Variants in CTF1 observed in about 807,000 individuals in gnomAD.
CTF1 encodes cardiotrophin-1.
Under a neutral mutation model 10.9 loss-of-function variants are expected in CTF1, and 9 were observed. The observed-to-expected ratio is 0.83, with a 90% confidence interval of 0.50 to 1.44. The LOEUF is 1.44. Ranked by LOEUF, CTF1 falls within the 40% of genes most tolerant of loss-of-function variation. CTF1 has a pLI of 0.00. For missense variants in CTF1, 259 were observed against 275.3 expected, an observed-to-expected ratio of 0.94 and a Z score of 0.42; for synonymous variants, 133 against 138.8, an observed-to-expected ratio of 0.96 and a Z score of 0.29.
At position 30,903,182 on chromosome 16, in the gene CTF1, A is replaced by T. The variant is rs539240936; in HGVS notation, c.*643A>T. The T allele has an allele frequency of 6.6e-6, 1 of 152,582 alleles. No individual in the cohort carries two copies. Among genetic ancestry groups the T allele is most frequent in the African/African-American group, 2.4e-5 (1 of 41,366 alleles). The allele number at this position is 152,582 out of a possible 1,614,324, so 9.5% of individuals were successfully genotyped here. On this transcript the variant is annotated 3_prime_UTR_variant, in exon 3 of 3. Coordinates refer to ENST00000279804, the MANE Select transcript of CTF1 (RefSeq NM_001330.5). The stretch of plus-strand genomic sequence containing the variant: ...CCTTCTCGTGGCCCTGTGTGAGCAC[A>T]TGTGTACATCTCAGCCTTATCTCAA...
At position 30,902,544 on chromosome 16, in the gene CTF1, C is replaced by A. The variant is rs397516644; in HGVS notation, c.*5C>A. On this transcript the variant is annotated 3_prime_UTR_variant, in exon 3 of 3. Transcript: ENST00000279804. ...CTGCCCGGGGGCTCGGCCTGAGCGC[C>A]GCGGGGCAGCTCGCCCCGCCTCCTC... The A allele has an allele frequency of 1.2e-4, 186 of 1,499,584 alleles. No homozygotes were observed. The highest frequency in any genetic ancestry group is 1.3e-4 in the Non-Finnish European group (150 of 1,129,132). The allele number at this position is 1,499,584 out of a possible 1,614,324, so 92.9% of individuals were successfully genotyped here.
intron 1 of CTF1, 36 bp from the exon 2 acceptor site, chr16:30,899,379 G>A: frequency 1.6e-6 from 2 of 1,285,438 alleles, no homozygotes; most frequent in East Asian, 2.3e-5. Context: ...TGAGCAGGAG[G>A]TTGGCCATCC....
chr16:30,900,000 G>A (rs993404630), intron 2 of CTF1, among the ~76,000 whole-genome samples: 1 of 152,172 alleles, frequency 6.6e-6, no homozygotes, highest in Non-Finnish European at 1.5e-5. Context: ...TGACCTTGGT[G>A]CTTTAAGTCA....
At chr16:30,901,462 G>C (rs995698651) in intron 2 of CTF1, among the ~76,000 whole-genome samples, 2 of 152,170 alleles carry the variant, frequency 1.3e-5, no homozygotes. Flanking sequence ...GGTCTGTAAG[G>C]TAACTTTAAT....
At chr16:30,899,279 A>G in intron 1 of CTF1, 136 bp from the exon 2 acceptor site, 3 of 777,696 alleles carry the variant, frequency 3.9e-6, no homozygotes, top group Admixed American at 1.7e-5. Flanking sequence ...CCTGCTTGAC[A>G]AAGTTCTGGT....
At chr16:30,899,282 G>A (rs2055380709) in intron 1 of CTF1, 133 bp from the exon 2 acceptor site, 1 of 780,116 alleles carries the variant, frequency 1.3e-6, no homozygotes, top group Non-Finnish European at 2.4e-6. Flanking sequence ...GCTTGACAAA[G>A]TTCTGGTGCC....
rs1467014161 is a variant in CTF1 at position 30,896,630 on chromosome 16, A to AGCCAGGG, written c.-8_-2dup. On this transcript the variant is annotated 5_prime_UTR_variant, in exon 1 of 3. Transcript: ENST00000279804. ...GGGGGGCGTGAAGGGAGCCGGGATC[A>AGCCAGGG]GCCAGGGGCCAGCATGAGCCGGAGG... The AGCCAGGG allele has an allele frequency of 1.6e-6, 2 of 1,252,926 alleles. No individual in the cohort carries two copies. Among genetic ancestry groups the AGCCAGGG allele is most frequent in the Non-Finnish European group, 2.0e-6 (2 of 990,226 alleles). The allele number at this position is 1,252,926 out of a possible 1,614,324, so 77.6% of individuals were successfully genotyped here.
chr16:30,902,033 C>A, intron 2 of CTF1, 45 bp from the exon 3 acceptor site: 1 of 1,411,946 alleles, frequency 7.1e-7, no homozygotes, highest in South Asian at 1.4e-5. Context: ...CAGCCCCCTG[C>A]CCGTGCTCCG....
At position 30,896,752 on chromosome 16, in the gene CTF1, C is replaced by G. The variant is rs938253451; in HGVS notation, c.25+84C>G. On this transcript the variant is annotated intron_variant, in intron 1 of 2. Coordinates refer to ENST00000279804, the MANE Select transcript of CTF1 (RefSeq NM_001330.5). Reference sequence around the variant, plus strand: ...GGGAGCTGGGGGTCTGGGTTTCCGCCACCCCCGGGTCCGGGAGGGGAGCGG... The same window carrying G: ...GGGAGCTGGGGGTCTGGGTTTCCGCGACCCCCGGGTCCGGGAGGGGAGCGG... The G allele has an allele frequency of 3.4e-6, 4 of 1,192,798 alleles. No homozygotes were observed. The African/African-American group carries it at 6.3e-5, about 19-fold the overall frequency. The allele number at this position is 1,192,798 out of a possible 1,614,324, so 73.9% of individuals were successfully genotyped here. A position where few individuals can be genotyped will look rare whatever the true frequency, so the allele number is the denominator to read the frequency against.
In CTF1 at chr16:30,899,390, T is replaced by C. The variant is rs756190446; in HGVS notation, c.26-25T>C. On this transcript the variant is annotated intron_variant, in intron 1 of 2. Transcript: ENST00000279804. The stretch of plus-strand genomic sequence containing the variant: ...TCAATGAGCAGGAGGTTGGCCATCC[T>C]CATTCCTCCCCCCTTTCCCACCAGA... 2.0e-6 allele frequency: 3 copies of C among 1,471,906 alleles called. No individual in the cohort carries two copies. In the South Asian group the frequency reaches 3.4e-5, roughly 17 times the overall value. 91.2% of individuals were successfully genotyped at this position (1,471,906 alleles called of 1,614,324 possible).
intron 2 of CTF1, 35 bp downstream of exon 2, chr16:30,899,568 TG>T: frequency 9.5e-6 from 5 of 528,918 alleles, no homozygotes; most frequent in Non-Finnish European, 1.7e-5. Flanking sequence ...GCCGGGGGCC[TG>T]GGGAATGGGA....
At chr16:30,900,365 C>T (rs2055390667) in intron 2 of CTF1, among the ~76,000 whole-genome samples, 1 of 152,212 alleles carries the variant, frequency 6.6e-6, no homozygotes, top group Admixed American at 6.5e-5. Flanking sequence ...AATCAGACTG[C>T]AGGCCTGCCA....
At chr16:30,897,337 G>A (rs1348900916) in intron 1 of CTF1, among the ~76,000 whole-genome samples, 1 of 152,168 alleles carries the variant, frequency 6.6e-6, no homozygotes, top group South Asian at 2.1e-4. Flanking sequence ...TGTAAAATGG[G>A]CCTTCAAGGC....
chr16:30,896,465 C>T, upstream of CTF1: 1 of 530,276 alleles, frequency 1.9e-6, no homozygotes. Flanking sequence ...CCCACTAGGC[C>T]CCACGGACGA....
chr16:30,899,545 TGGGGGTGGGGGTGCC>T lies in CTF1; in HGVS notation c.144+18_144+32del. ...TGCTCCAGGAATATGTGAGTGGGAA[TGGGGGTGGGGGTGCC>T]GGGGGCCTGGGGAATGGGAGCAGAC... On this transcript the variant is annotated intron_variant, in intron 2 of 2. Coordinates refer to ENST00000279804, the MANE Select transcript of CTF1 (RefSeq NM_001330.5). 2 of 453,104 alleles carry T rather than the reference TGGGGGTGGGGGTGCC, an allele frequency of 4.4e-6. No individual in the cohort carries two copies. The highest frequency in any genetic ancestry group is 7.8e-6 in the Non-Finnish European group (2 of 256,692). The allele number at this position is 453,104 out of a possible 1,614,324, so 28.1% of individuals were successfully genotyped here.
Position 30,902,612 on chromosome 16 carries a change from G to C in CTF1, c.*73G>C. ...TCCTTCCGCTTCTTTGTCTTTCTCT[G>C]CCGCTGTCGGTGTCTGTCTGTCTGC... is the stretch of plus-strand genomic sequence containing the variant. On this transcript the variant is annotated 3_prime_UTR_variant, in exon 3 of 3. Transcript: ENST00000279804. The C allele has an allele frequency of 7.1e-7, 1 of 1,415,446 alleles. No homozygotes were observed. The highest frequency in any genetic ancestry group is 9.3e-7 in the Non-Finnish European group (1 of 1,079,932). The allele number at this position is 1,415,446 out of a possible 1,614,324, so 87.7% of individuals were successfully genotyped here. A position where few individuals can be genotyped will look rare whatever the true frequency, so the allele number is the denominator to read the frequency against.
intron 1 of CTF1, among the ~76,000 whole-genome samples, chr16:30,898,083 G>A (rs1188333388): frequency 6.7e-6 from 1 of 150,012 alleles, no homozygotes; most frequent in African/African-American, 2.4e-5. Flanking sequence ...GGATGGTATT[G>A]ATCTCTTGAC....
At chr16:30,898,923 T>C (rs2055377151) in intron 1 of CTF1, among the ~76,000 whole-genome samples, 9 of 152,166 alleles carry the variant, frequency 5.9e-5, no homozygotes, top group Admixed American at 5.9e-4. Context: ...CCTCCCGAAA[T>C]GCTAAGATTA....
rs2055410151 is a variant in CTF1, at chr16:30,902,349, T to C, written c.416T>C (p.Leu139Ser). 8.8e-6 allele frequency: 10 copies of C among 1,133,286 alleles called. No individual in the cohort carries two copies. The highest frequency in any genetic ancestry group is 1.1e-5 in the Non-Finnish European group (10 of 927,678). The allele number at this position is 1,133,286 out of a possible 1,614,324, so 70.2% of individuals were successfully genotyped here. A position where few individuals can be genotyped will look rare whatever the true frequency, so the allele number is the denominator to read the frequency against. ...ARALGAAVEA[L>S]LAALGAANRG... ...GCCCTGGGCGCCGCCGTGGAGGCCT[T>C]GCTGGCCGCGCTGGGCGCCGCCAAC... Residue 139 changes from leucine to serine, a missense_variant, in exon 3 of 3, where the codon TTG (leucine) becomes TCG (serine). Physicochemically the swap from Leu to Ser is moderately radical, Grantham distance 145. Coordinates refer to ENST00000279804, the MANE Select transcript of CTF1 (RefSeq NM_001330.5).
Sources: gnomAD v4.1 joint callset for allele counts (sites outside exome capture counted in the v4.1 genomes callset) on GRCh38, gnomAD v4.1.1 for gene constraint, MANE v1.5 for transcripts, NCBI Gene and HGNC (gene_info 2026-07-23, HGNC 2026-07-21) for gene names.